The following FBXW11 variants were observed in gnomAD, a reference collection of about 807,000 sequenced individuals.
FBXW11 encodes F-box and WD repeat domain containing 11.
In FBXW11, 19 loss-of-function variants were observed where a neutral mutation model predicts 77.6. That is an observed-to-expected ratio of 0.24 (90% CI 0.17 to 0.36). The LOEUF (loss-of-function observed/expected upper bound fraction) is 0.36. FBXW11 is among the 10% of genes least tolerant of loss of function. FBXW11 has a pLI of 1.00. For synonymous variants in FBXW11, 235 were observed against 249.4 expected, an observed-to-expected ratio of 0.94 and a Z score of 0.54; for missense variants, 334 against 704.2, an observed-to-expected ratio of 0.47 and a Z score of 5.95.
At chr5:171,932,543 A>T (rs933565026) in intron 2 of FBXW11, among the ~76,000 whole-genome samples, 14 of 152,094 alleles carry the variant, frequency 9.2e-5, no homozygotes, top group Admixed American at 8.5e-4. Flanking sequence ...TGTAGTGATG[A>T]AGTCAAGGTA....
intron 7 of FBXW11, among the ~76,000 whole-genome samples, chr5:171,885,138 T>C (rs1163807815): frequency 1.3e-5 from 2 of 152,226 alleles, no homozygotes; most frequent in Non-Finnish European, 2.9e-5. Context: ...CTCAGCACTT[T>C]AGGCTCTGGC....
At chr5:171,875,702 G>A (rs1758032496) in intron 9 of FBXW11, among the ~76,000 whole-genome samples, 1 of 152,098 alleles carries the variant, frequency 6.6e-6, no homozygotes, top group Non-Finnish European at 1.5e-5. Context: ...ATATCCTAGG[G>A]AATCACCCTA....
At chr5:171,958,630 T>G (rs1581254307) in intron 1 of FBXW11, among the ~76,000 whole-genome samples, 1 of 152,236 alleles carries the variant, frequency 6.6e-6, no homozygotes, top group Admixed American at 6.5e-5. Flanking sequence ...TTAAAGGAAT[T>G]AAGAAAAAAA....
intron 2 of FBXW11, among the ~76,000 whole-genome samples, chr5:171,941,383 A>G (rs534336108): frequency 1.3e-5 from 2 of 152,136 alleles, no homozygotes; most frequent in South Asian, 2.1e-4. Flanking sequence ...CAAAGACCAA[A>G]TAACTCTTCC....
chr5:171,866,838 T>A (rs747596801), intron 13 of FBXW11, among the ~76,000 whole-genome samples: 1 of 152,184 alleles, frequency 6.6e-6, no homozygotes, highest in Non-Finnish European at 1.5e-5. Context: ...CTCCATTCAA[T>A]AATTACAGTA....
At chr5:171,933,130 CAAAA>C (rs774171489) in intron 2 of FBXW11, among the ~76,000 whole-genome samples, 1 of 36,814 alleles carries the variant, frequency 2.7e-5, no homozygotes, top group African/African-American at 1.1e-4. Flanking sequence ...GACCTTCTCT[CAAAA>C]AAAAAAAAAA....
At chr5:171,918,948 C>G (rs1388767185) in intron 2 of FBXW11, among the ~76,000 whole-genome samples, 1 of 152,106 alleles carries the variant, frequency 6.6e-6, no homozygotes, top group Non-Finnish European at 1.5e-5. Flanking sequence ...AACTTGACAC[C>G]GTGGGAGAAT....
At chr5:171,915,058 G>C (rs1331317318) in intron 2 of FBXW11, among the ~76,000 whole-genome samples, 1 of 152,218 alleles carries the variant, frequency 6.6e-6, no homozygotes, top group African/African-American at 2.4e-5. Flanking sequence ...TGGTGATCCA[G>C]TCGCTCAATA....
intron 1 of FBXW11, among the ~76,000 whole-genome samples, chr5:171,958,548 G>A (rs753067006): frequency 5.3e-5 from 8 of 152,138 alleles, no homozygotes; most frequent in Non-Finnish European, 7.4e-5. Flanking sequence ...TACAAAGTCC[G>A]TCTGACATGA....
At chr5:171,968,252 C>A (rs985324271) in intron 1 of FBXW11, among the ~76,000 whole-genome samples, 1 of 151,722 alleles carries the variant, frequency 6.6e-6, no homozygotes, top group African/African-American at 2.4e-5. Context: ...GTCAGGAGAT[C>A]GAGACCATCC....
rs1760819988 is a variant in FBXW11 at position 171,910,561 on chromosome 5, A to G, written c.436+11T>C. 8 of 1,603,364 alleles carry G rather than the reference A, an allele frequency of 5.0e-6. No individual in the cohort carries two copies. Among genetic ancestry groups the G allele is most frequent in the African/African-American group, 1.3e-5 (1 of 74,588 alleles). On this transcript the variant is annotated intron_variant, in intron 4 of 13. Coordinates refer to ENST00000517395, the MANE Select transcript of FBXW11 (RefSeq NM_001378974.1). ...CAACTGCTCAGCTTTTGAAAAGACA[A>G]GTACAGTTACCTGGTAAAGCGGTAA...
chr5:172,006,590 A>C lies in FBXW11; in HGVS notation c.-88T>G. 1 of 1,398,804 alleles carries C rather than the reference A, an allele frequency of 7.1e-7. No homozygotes were observed. Among genetic ancestry groups the C allele is most frequent in the Non-Finnish European group, 9.3e-7 (1 of 1,074,930 alleles). 86.6% of individuals were successfully genotyped at this position (1,398,804 alleles called of 1,614,324 possible). On this transcript the variant is annotated 5_prime_UTR_variant, in exon 1 of 14. Transcript: ENST00000517395. ...GCGACGGCGGAGGCGGCAGAGGCGG[A>C]GGCGGCTATCGCACCCACTCTAGCT...
chr5:171,901,075 T>C (rs1387080046), intron 4 of FBXW11, among the ~76,000 whole-genome samples: 1 of 152,224 alleles, frequency 6.6e-6, no homozygotes, highest in Non-Finnish European at 1.5e-5. Context: ...GGTTCACCAC[T>C]TACTAGTTCT....
intron 7 of FBXW11, among the ~76,000 whole-genome samples, chr5:171,882,883 T>A (rs1247003686): frequency 6.6e-6 from 1 of 152,136 alleles, no homozygotes; most frequent in African/African-American, 2.4e-5. Context: ...GGTGCACTCA[T>A]CACCCAAGCA....
intron 1 of FBXW11, among the ~76,000 whole-genome samples, chr5:171,973,476 A>G (rs1363968064): frequency 1.3e-5 from 2 of 152,198 alleles, no homozygotes; most frequent in Non-Finnish European, 2.9e-5. Context: ...GGCATCCTAC[A>G]ATGTACCTGA....
At chr5:171,918,290 A>G (rs768329255) in intron 2 of FBXW11, among the ~76,000 whole-genome samples, 5 of 152,112 alleles carry the variant, frequency 3.3e-5, no homozygotes, top group South Asian at 4.1e-4. Context: ...GGTCGCAGGA[A>G]TAAGTGGTGA....
At chr5:171,989,814 G>A (rs1765634913) in intron 1 of FBXW11, among the ~76,000 whole-genome samples, 1 of 152,178 alleles carries the variant, frequency 6.6e-6, no homozygotes, top group South Asian at 2.1e-4. Flanking sequence ...AGATTTAATT[G>A]ATGCTTGATA....
chr5:171,900,914 T>C (rs765168031), intron 4 of FBXW11, among the ~76,000 whole-genome samples: 1 of 152,184 alleles, frequency 6.6e-6, no homozygotes, highest in Non-Finnish European at 1.5e-5. Context: ...ATGATCAACA[T>C]GGCCACCACT....
chr5:171,988,924 C>A (rs1765589715), intron 1 of FBXW11, among the ~76,000 whole-genome samples: 1 of 152,104 alleles, frequency 6.6e-6, no homozygotes, highest in Admixed American at 6.6e-5. Context: ...CGCCTGTAAT[C>A]CCAGCACTTT....
Sources: gnomAD v4.1 joint callset for allele counts (sites outside exome capture counted in the v4.1 genomes callset) on GRCh38, gnomAD v4.1.1 for gene constraint, MANE v1.5 for transcripts, NCBI Gene and HGNC (gene_info 2026-07-23, HGNC 2026-07-21) for gene names.